GID8: variants seen among roughly 807,000 people sequenced by gnomAD.
GID8 encodes the protein GID complex subunit 8 homolog, also known as glucose-induced degradation protein 8 homolog.
A neutral mutation model predicts 27.4 loss-of-function variants in GID8; 6 were observed. The observed-to-expected ratio is 0.22, with a 90% CI of 0.12 to 0.43. GID8 has a LOEUF of 0.43. GID8 is among the 20% of genes least tolerant of loss of function. The pLI is 1.00. For missense variants in GID8, 173 were observed against 287.6 expected (o/e 0.60, Z 2.88); for synonymous variants, 112 against 109.0 (o/e 1.03, Z -0.17).
rs2065472562 is a variant in GID8 at position 62,947,761 on chromosome 20, C to T, written c.*2849C>T. 1 of 152,212 alleles carries T rather than the reference C, an allele frequency of 6.6e-6. No individual in the cohort carries two copies. Among genetic ancestry groups the T allele is most frequent in the Non-Finnish European group, 1.5e-5 (1 of 68,058 alleles). The allele number at this position is 152,212 out of a possible 1,614,324, so 9.4% of individuals were successfully genotyped here. On this transcript the variant is annotated 3_prime_UTR_variant, in exon 5 of 5. Coordinates refer to ENST00000266069, the MANE Select transcript of GID8 (RefSeq NM_017896.3). ...GTGTGTGTGCGGAGTCCACGGAAGCCTCGGGGAGGTGGAGCTGCTCCTTCC... is the reference window on the plus strand; with the variant it reads ...GTGTGTGTGCGGAGTCCACGGAAGCTTCGGGGAGGTGGAGCTGCTCCTTCC...
rs752921132 is a variant in GID8, at chr20:62,941,499, C to T, written c.-4C>T. The T allele has an allele frequency of 6.4e-7, 1 of 1,570,882 alleles. No homozygotes were observed. Among genetic ancestry groups the T allele is most frequent in the Admixed American group, 1.7e-5 (1 of 59,950 alleles). On this transcript the variant is annotated 5_prime_UTR_variant, in exon 2 of 5. Coordinates refer to ENST00000266069, the MANE Select transcript of GID8 (RefSeq NM_017896.3). ...TTATTTTTTTCCTGTAGAAATAAAT[C>T]AGAATGAGTTATGCAGAAAAACCCG...
intron 4 of GID8, among the ~76,000 whole-genome samples, chr20:62,944,102 C>T (rs2065455634): frequency 6.6e-6 from 1 of 152,196 alleles, no homozygotes; most frequent in African/African-American, 2.4e-5. Flanking sequence ...ACTGGGATTA[C>T]AGGTGTGAGC....
Position 62,945,237 on chromosome 20 carries a change from G to A in GID8, c.*325G>A. The A allele has an allele frequency of 9.3e-7, 1 of 1,078,732 alleles. No homozygotes were observed. Among genetic ancestry groups the A allele is most frequent in the African/African-American group, 1.6e-5 (1 of 61,038 alleles). 66.8% of individuals were successfully genotyped at this position (1,078,732 alleles called of 1,614,324 possible). ...TCGGTCTACCACGGAGGGCTGTGCT[G>A]TTAGGCTGCATCCCACTCAAAATAC... On this transcript the variant is annotated 3_prime_UTR_variant, in exon 5 of 5. Coordinates refer to ENST00000266069, the MANE Select transcript of GID8 (RefSeq NM_017896.3).
At position 62,945,561 on chromosome 20, in the gene GID8, G is replaced by T. The variant is rs2065462764; in HGVS notation, c.*649G>T. 2.6e-6 allele frequency: 3 copies of T among 1,132,874 alleles called. No individual in the cohort carries two copies. Among genetic ancestry groups the T allele is most frequent in the South Asian group, 3.9e-5 (2 of 51,932 alleles). The allele number at this position is 1,132,874 out of a possible 1,614,324, so 70.2% of individuals were successfully genotyped here. A position where few individuals can be genotyped will look rare whatever the true frequency, so the allele number is the denominator to read the frequency against. ...TGGTGCTGTGTGTGGTAAGAGACTT[G>T]TTCCTAGTGGATCAATGAACCATCT... is the stretch of plus-strand genomic sequence containing the variant. On this transcript the variant is annotated 3_prime_UTR_variant, in exon 5 of 5. Coordinates refer to ENST00000266069, the MANE Select transcript of GID8 (RefSeq NM_017896.3).
At chr20:62,940,219 C>G (rs1341763773) in intron 1 of GID8, among the ~76,000 whole-genome samples, 2 of 137,438 alleles carry the variant, frequency 1.5e-5, no homozygotes, top group African/African-American at 2.7e-5. Context: ...GAGTCTCGCT[C>G]TGTCGCCCAG....
chr20:62,944,337 C>T (rs760048506), intron 4 of GID8, among the ~76,000 whole-genome samples: 7 of 152,196 alleles, frequency 4.6e-5, no homozygotes, highest in Non-Finnish European at 7.3e-5. Context: ...GACAGCTCCT[C>T]GCCTTCCCAG....
chr20:62,941,751 A>T (rs1390245560), intron 2 of GID8, 131 bp downstream of exon 2: 27 of 665,020 alleles, frequency 4.1e-5, no homozygotes, highest in Non-Finnish European at 7.1e-5. Flanking sequence ...CACAATGCTA[A>T]CCTGGTAAGT....
chr20:62,945,085 A>T lies in GID8; in HGVS notation c.*173A>T. ...AAATGGCCTTTGTAGGCAGTGGAAA[A>T]CTTGCAAGGAAAGCTGCCGTCTCTT... On this transcript the variant is annotated 3_prime_UTR_variant, in exon 5 of 5. Transcript: ENST00000266069. 1 of 1,408,742 alleles carries T rather than the reference A, an allele frequency of 7.1e-7. No individual in the cohort carries two copies. The highest frequency in any genetic ancestry group is 2.6e-5 in the East Asian group (1 of 39,142). The allele number at this position is 1,408,742 out of a possible 1,614,324, so 87.3% of individuals were successfully genotyped here.
chr20:62,942,769 G>A (rs2065449048), intron 2 of GID8, among the ~76,000 whole-genome samples: 1 of 152,230 alleles, frequency 6.6e-6, no homozygotes, highest in Non-Finnish European at 1.5e-5. Flanking sequence ...AGAGTTTTTG[G>A]ATGGGATAAC....
chr20:62,938,394 T>G (rs2065416586), intron 1 of GID8, 141 bp downstream of exon 1: 1 of 151,008 alleles, frequency 6.6e-6, no homozygotes, highest in African/African-American at 2.4e-5. Context: ...AGGTGCGGAA[T>G]TGGGGCGCGC....
In GID8 at chr20:62,944,952, T is replaced by A. The variant is rs748875130; in HGVS notation, c.*40T>A. 7.9e-5 allele frequency: 124 copies of A among 1,573,196 alleles called. No homozygotes were observed. The highest frequency in any genetic ancestry group is 1.0e-4 in the Non-Finnish European group (121 of 1,158,028). On this transcript the variant is annotated 3_prime_UTR_variant, in exon 5 of 5. Transcript: ENST00000266069. ...TGGTGGATCCAACACCAGCCCTGCG[T>A]CGTGGGACTTGCCTCAGATCAGCCT...
rs1200156493 is a variant in GID8 at position 62,943,982 on chromosome 20, T to C, written c.513+290T>C. 1.3e-5 allele frequency among the ~76,000 whole-genome samples: 2 copies of C among 151,740 alleles called. No individual in the cohort carries two copies. Among genetic ancestry groups the C allele is most frequent in the Non-Finnish European group, 2.9e-5 (2 of 67,942 alleles). On this transcript the variant is annotated intron_variant, in intron 4 of 4. Transcript: ENST00000266069. This position sits in a 1 kb window ranked among gnomAD's most constrained non-coding sequence, Gnocchi z 4.7. ...TCCCAAGTAGCTGGGACTACAGGAG[T>C]GTGCCACCACGCCCAGCTAAGTTTT...
At chr20:62,939,165 C>T (rs951347584) in intron 1 of GID8, among the ~76,000 whole-genome samples, 2 of 151,988 alleles carry the variant, frequency 1.3e-5, no homozygotes, top group African/African-American at 4.8e-5. Context: ...CATTAATTGT[C>T]GTGAATAAAA....
At chr20:62,939,197 C>T (rs1482045123) in intron 1 of GID8, among the ~76,000 whole-genome samples, 1 of 152,114 alleles carries the variant, frequency 6.6e-6, no homozygotes, top group Non-Finnish European at 1.5e-5. Context: ...GTGAGTTTTG[C>T]AGTTGACAAC....
chr20:62,945,556 G>C lies in GID8; in HGVS notation c.*644G>C. 3 of 1,115,262 alleles carry C rather than the reference G, an allele frequency of 2.7e-6. No individual in the cohort carries two copies. The highest frequency in any genetic ancestry group is 2.2e-6 in the Non-Finnish European group (2 of 903,672). 69.1% of individuals were successfully genotyped at this position (1,115,262 alleles called of 1,614,324 possible). ...TATTTTGGTGCTGTGTGTGGTAAGA[G>C]ACTTGTTCCTAGTGGATCAATGAAC... On this transcript the variant is annotated 3_prime_UTR_variant, in exon 5 of 5. Transcript: ENST00000266069.
At chr20:62,942,449 C>CT (rs1306982059) in intron 2 of GID8, among the ~76,000 whole-genome samples, 3 of 152,064 alleles carry the variant, frequency 2.0e-5, no homozygotes, top group Non-Finnish European at 4.4e-5. Context: ...GGGACCCCAT[C>CT]TCAAAAAAAA....
At position 62,946,988 on chromosome 20, in the gene GID8, A is replaced by G. The variant is rs1211044191; in HGVS notation, c.*2076A>G. 6.6e-6 allele frequency: 1 copy of G among 152,262 alleles called. No individual in the cohort carries two copies. The highest frequency in any genetic ancestry group is 1.9e-4 in the East Asian group (1 of 5,206). The allele number at this position is 152,262 out of a possible 1,614,324, so 9.4% of individuals were successfully genotyped here. A position where few individuals can be genotyped will look rare whatever the true frequency, so the allele number is the denominator to read the frequency against. ...AAGCACAGCAATAGGAAGTCTCTCC[A>G]CAAACTAGGGGAACACAAATGGGGT... On this transcript the variant is annotated 3_prime_UTR_variant, in exon 5 of 5. Transcript: ENST00000266069.
Position 62,945,352 on chromosome 20 carries a change from T to G in GID8, c.*440T>G, listed in dbSNP as rs1022463379. On this transcript the variant is annotated 3_prime_UTR_variant, in exon 5 of 5. Coordinates refer to ENST00000266069, the MANE Select transcript of GID8 (RefSeq NM_017896.3). ...AAGTTTTTCCTTACCCCTGTGGTTT[T>G]TGTGTTTTTTTTTTTTTCTTTTTCC... The G allele has an allele frequency of 6.1e-6, 6 of 982,004 alleles. No individual in the cohort carries two copies. The highest frequency in any genetic ancestry group is 1.9e-5 in the African/African-American group (1 of 52,478). 60.8% of individuals were successfully genotyped at this position (982,004 alleles called of 1,614,324 possible).
Position 62,943,453 on chromosome 20 carries a change from C to T in GID8, c.316-42C>T. 6.3e-7 allele frequency: 1 copy of T among 1,576,482 alleles called. No homozygotes were observed. Among genetic ancestry groups the T allele is most frequent in the South Asian group, 1.1e-5 (1 of 90,102 alleles). On this transcript the variant is annotated intron_variant, in intron 3 of 4. Coordinates refer to ENST00000266069, the MANE Select transcript of GID8 (RefSeq NM_017896.3). This position sits in a 1 kb window ranked among gnomAD's most constrained non-coding sequence, Gnocchi z 4.7. ...GGTACCACCTGCCCTAAGTCCCTGG[C>T]CTGGGTGTGTGGGGGTCAAGCTTGT... is the stretch of plus-strand genomic sequence containing the variant.
Sources: allele counts gnomAD v4.1 joint callset (sites outside exome capture counted in the v4.1 genomes callset), GRCh38; gene constraint gnomAD v4.1.1; non-coding constraint Gnocchi (gnomAD v3.1); transcripts MANE v1.5; gene names NCBI Gene and HGNC (gene_info 2026-07-23, HGNC 2026-07-21).